Variants in TMEM63B observed in about 807,000 individuals in gnomAD.
The protein encoded by TMEM63B is transmembrane protein 63B, also known as mechanosensitive cation channel TMEM63B.
Under a neutral mutation model 102.6 loss-of-function variants are expected in TMEM63B, and 23 were observed. The ratio of observed to expected loss-of-function variants is 0.22; its 90% CI spans 0.16 to 0.32. TMEM63B has a LOEUF of 0.32. Ranked by LOEUF, TMEM63B falls within the 10% of genes least tolerant of loss-of-function variation. TMEM63B has a pLI of 1.00. For missense variants in TMEM63B, 628 were observed against 1,095.9 expected (o/e 0.57, Z 6.03); for synonymous variants, 444 against 437.0 (o/e 1.02, Z -0.20).
chr6:44,154,033 A>G, intron 21 of TMEM63B, 40 bp from the exon 22 acceptor site: 1 of 1,598,780 alleles, frequency 6.3e-7, no homozygotes, highest in Non-Finnish European at 8.6e-7. Flanking sequence ...GGGGAGGCCC[A>G]CAGGAGATAG....
At chr6:44,139,920 T>A (rs1763886218) in intron 8 of TMEM63B, among the ~76,000 whole-genome samples, 161 bp downstream of exon 8, 5 of 152,056 alleles carry the variant, frequency 3.3e-5, no homozygotes, top group Admixed American at 6.5e-5. Flanking sequence ...GGGAAATGCC[T>A]GCTGAGGATC....
chr6:44,137,478 G>C (rs761823220), intron 5 of TMEM63B, among the ~76,000 whole-genome samples: 13 of 152,128 alleles, frequency 8.5e-5, no homozygotes, highest in Non-Finnish European at 1.3e-4. Context: ...ACATCTGCTA[G>C]CCAGAAGTGT....
rs184135865 is a variant in TMEM63B, at chr6:44,143,326, C to T, written c.782+2228C>T. Reference sequence around the variant, plus strand: ...CCCAGCCCTTATACAGGCTATAAAACAGCAGTCAAAATTAGATCATTCTTG... The same window carrying T: ...CCCAGCCCTTATACAGGCTATAAAATAGCAGTCAAAATTAGATCATTCTTG... On this transcript the variant is annotated intron_variant, in intron 10 of 23. Coordinates refer to ENST00000323267, the MANE Select transcript of TMEM63B (RefSeq NM_018426.3). 2.2e-3 allele frequency among the ~76,000 whole-genome samples: 330 copies of T among 152,310 alleles called. 3 individuals carry two copies. The highest frequency in any genetic ancestry group is 7.7e-3 in the African/African-American group (320 of 41,566).
At chr6:44,147,623 T>C in intron 12 of TMEM63B, 123 bp downstream of exon 12, 1 of 1,379,574 alleles carries the variant, frequency 7.2e-7, no homozygotes, top group Non-Finnish European at 9.8e-7. Flanking sequence ...CAGTTCCCAC[T>C]GTTGGGTTTG....
chr6:44,138,587 C>G, intron 6 of TMEM63B, 70 bp downstream of exon 6: 1 of 1,591,818 alleles, frequency 6.3e-7, no homozygotes, highest in South Asian at 1.1e-5. Flanking sequence ...CTACAAAATT[C>G]AGAAGCCAGC....
rs566209538 is a variant in TMEM63B, at chr6:44,132,060, G to A, written c.-24-2501G>A. Reference sequence around the variant, plus strand: ...AGCAACCCCACCCCCACAATTAAAAGCTTGGAGCAGCCCTGTCAACTGGCA... The same window carrying A: ...AGCAACCCCACCCCCACAATTAAAAACTTGGAGCAGCCCTGTCAACTGGCA... On this transcript the variant is annotated intron_variant, in intron 1 of 23. Transcript: ENST00000323267. 4.6e-5 allele frequency among the ~76,000 whole-genome samples: 7 copies of A among 152,272 alleles called. No homozygotes were observed. The East Asian group carries it at 1.4e-3, about 30-fold the overall frequency.
chr6:44,136,494 G>T, intron 5 of TMEM63B, 55 bp downstream of exon 5: 1 of 1,214,948 alleles, frequency 8.2e-7, no homozygotes, highest in Non-Finnish European at 1.2e-6. Context: ...CAGGGCACAT[G>T]GGCTGAGAAG....
At chr6:44,149,097 C>A (rs1241040289) in intron 15 of TMEM63B, 152 bp downstream of exon 15, 19 of 1,136,610 alleles carry the variant, frequency 1.7e-5, no homozygotes, top group African/African-American at 3.1e-5. Context: ...TGTGCACTTC[C>A]CTTGGGCTCC....
chr6:44,143,733 A>G (rs1247094690), intron 10 of TMEM63B, among the ~76,000 whole-genome samples: 3 of 152,092 alleles, frequency 2.0e-5, no homozygotes, highest in Admixed American at 6.5e-5. Flanking sequence ...TGAACTAGTA[A>G]TAGAGACTGT....
At chr6:44,128,383 T>G (rs1777633817) in intron 1 of TMEM63B, among the ~76,000 whole-genome samples, 2 of 152,124 alleles carry the variant, frequency 1.3e-5, no homozygotes, top group South Asian at 4.1e-4. Context: ...GGGAAAAGAT[T>G]CAGACGCGAA....
chr6:44,152,836 C>T lies in TMEM63B; in HGVS notation c.1942+138C>T. 4 of 700,360 alleles carry T rather than the reference C, an allele frequency of 5.7e-6. No individual in the cohort carries two copies. The East Asian group carries it at 8.1e-5, about 14-fold the overall frequency. The allele number at this position is 700,360 out of a possible 1,614,324, so 43.4% of individuals were successfully genotyped here. A position where few individuals can be genotyped will look rare whatever the true frequency, so the allele number is the denominator to read the frequency against. ...GGCCCCTCGGGGCTCCCGCCCGGTC[C>T]CTGGCTCAGTCTGGGGCCTGGCCTG... is the stretch of plus-strand genomic sequence containing the variant. On this transcript the variant is annotated intron_variant, in intron 20 of 23. Transcript: ENST00000323267. The surrounding 1 kb of genome is among the most constrained non-coding windows in gnomAD (Gnocchi z 6.4).
chr6:44,141,141 G>C, intron 10 of TMEM63B, 43 bp downstream of exon 10: 1 of 1,592,038 alleles, frequency 6.3e-7, no homozygotes, highest in Non-Finnish European at 8.6e-7. Flanking sequence ...CCCTGCTGCA[G>C]AGCCTTCTCT....
At chr6:44,133,793 C>T (rs1036539443) in intron 1 of TMEM63B, among the ~76,000 whole-genome samples, 4 of 152,284 alleles carry the variant, frequency 2.6e-5, no homozygotes, top group Admixed American at 6.5e-5. Flanking sequence ...TAGGGCATAG[C>T]TTTCCCAGCC....
intron 23 of TMEM63B, 29 bp downstream of exon 23, chr6:44,154,474 C>T: frequency 6.2e-7 from 1 of 1,612,184 alleles, no homozygotes; most frequent in East Asian, 2.2e-5. Flanking sequence ...TGGGAGGGGC[C>T]TCTGACAGAC....
In TMEM63B at chr6:44,154,963, T is replaced by G; in HGVS notation, c.*80T>G. 1.5e-6 allele frequency: 2 copies of G among 1,328,960 alleles called. No homozygotes were observed. Among genetic ancestry groups the G allele is most frequent in the Non-Finnish European group, 2.0e-6 (2 of 997,854 alleles). The allele number at this position is 1,328,960 out of a possible 1,614,324, so 82.3% of individuals were successfully genotyped here. A position where few individuals can be genotyped will look rare whatever the true frequency, so the allele number is the denominator to read the frequency against. On this transcript the variant is annotated 3_prime_UTR_variant, in exon 24 of 24. Transcript: ENST00000323267. ...CGGACACTAAAACGCTAATAATTTA[T>G]TAGATCTAAAGCCCCTTCCTCCCCA...
chr6:44,139,380 G>A (rs891044582), intron 6 of TMEM63B, 87 bp from the exon 7 acceptor site: 2 of 1,543,864 alleles, frequency 1.3e-6, no homozygotes, highest in African/African-American at 2.7e-5. Context: ...TGGGTTTGGG[G>A]TGGGAGTGGG....
intron 20 of TMEM63B, 152 bp from the exon 21 acceptor site, chr6:44,153,524 G>A (rs1357344950): frequency 1.9e-5 from 14 of 721,996 alleles, no homozygotes; most frequent in African/African-American, 1.1e-4. Context: ...CTGTGATCAC[G>A]CTGGGGCACG....
Position 44,148,150 on chromosome 6 carries a change from A to G in TMEM63B, c.988-102A>G, listed in dbSNP as rs1436520706. ...AAAAAAAAAAAATGCTTAGAGGAGCAGTGCCTGGCTTGTAGGAAGCCCCAA... is the reference window on the plus strand; with the variant it reads ...AAAAAAAAAAAATGCTTAGAGGAGCGGTGCCTGGCTTGTAGGAAGCCCCAA... On this transcript the variant is annotated intron_variant, in intron 12 of 23. Transcript: ENST00000323267. This position sits in a 1 kb window ranked among gnomAD's most constrained non-coding sequence, Gnocchi z 5.1. The G allele has an allele frequency of 1.1e-5, 17 of 1,518,040 alleles. No individual in the cohort carries two copies. Among genetic ancestry groups the G allele is most frequent in the Non-Finnish European group, 1.5e-5 (17 of 1,129,376 alleles). The allele number at this position is 1,518,040 out of a possible 1,614,324, so 94.0% of individuals were successfully genotyped here. A position where few individuals can be genotyped will look rare whatever the true frequency, so the allele number is the denominator to read the frequency against.
In TMEM63B at chr6:44,127,572, C is replaced by G. The variant is rs1320528482; in HGVS notation, c.-131C>G. Reference sequence around the variant, plus strand: ...CTCCCCCATACACTGCCGCGGCCGCCGCAGGAGCCCGGAGCTCGAGCCGCC... The same window carrying G: ...CTCCCCCATACACTGCCGCGGCCGCGGCAGGAGCCCGGAGCTCGAGCCGCC... On this transcript the variant is annotated 5_prime_UTR_variant, in exon 1 of 24. Transcript: ENST00000323267. 7.0e-6 allele frequency: 1 copy of G among 142,656 alleles called. No individual in the cohort carries two copies. The highest frequency in any genetic ancestry group is 1.6e-5 in the Non-Finnish European group (1 of 64,336). The allele number at this position is 142,656 out of a possible 1,614,324, so 8.8% of individuals were successfully genotyped here.
Sources: allele counts gnomAD v4.1 joint callset (sites outside exome capture counted in the v4.1 genomes callset), GRCh38; gene constraint gnomAD v4.1.1; non-coding constraint Gnocchi (gnomAD v3.1); transcripts MANE v1.5; gene names NCBI Gene and HGNC (gene_info 2026-07-23, HGNC 2026-07-21).